Variants in TEC observed in about 807,000 individuals in gnomAD.
TEC encodes the protein tyrosine-protein kinase Tec.
Under a neutral mutation model 93.0 loss-of-function variants are expected in TEC, and 72 were observed. That is an observed-to-expected ratio of 0.77 (90% CI 0.64 to 0.94). TEC has a LOEUF of 0.94. TEC is among the 40% of genes least tolerant of loss of function. TEC has a pLI of 0.00. For missense variants in TEC, 630 were observed against 757.9 expected, an observed-to-expected ratio of 0.83 and a Z score of 1.98; for synonymous variants, 249 against 247.7, an observed-to-expected ratio of 1.01 and a Z score of -0.05.
At chr4:48,153,914 A>G (rs1370218558) in intron 9 of TEC, among the ~76,000 whole-genome samples, 1 of 152,220 alleles carries the variant, frequency 6.6e-6, no homozygotes, top group Non-Finnish European at 1.5e-5. Flanking sequence ...GAAATTTACC[A>G]GGAGGGACAA....
intron 2 of TEC, among the ~76,000 whole-genome samples, chr4:48,198,004 C>T (rs1166406983): frequency 6.6e-6 from 1 of 152,254 alleles, no homozygotes; most frequent in African/African-American, 2.4e-5. Flanking sequence ...CATTTTCTCT[C>T]TCTGCCTGAC....
chr4:48,168,663 A>G, intron 5 of TEC, 37 bp from the exon 6 acceptor site: 1 of 1,590,432 alleles, frequency 6.3e-7, no homozygotes, highest in Non-Finnish European at 8.5e-7. Context: ...TTAAAATGCT[A>G]TCTACCAATA....
chr4:48,256,535 C>CA (rs1724350586), intron 1 of TEC, among the ~76,000 whole-genome samples: 1 of 138,424 alleles, frequency 7.2e-6, no homozygotes, highest in Admixed American at 8.2e-5. Flanking sequence ...CGAGAGGCTG[C>CA]AGTGAGCTGA....
At chr4:48,241,617 A>G (rs1193989487) in intron 1 of TEC, among the ~76,000 whole-genome samples, 1 of 152,204 alleles carries the variant, frequency 6.6e-6, no homozygotes, top group Non-Finnish European at 1.5e-5. Flanking sequence ...GAGCCTTGAC[A>G]TCCCCACTGT....
intron 2 of TEC, among the ~76,000 whole-genome samples, chr4:48,217,469 C>A (rs1723119662): frequency 6.6e-6 from 1 of 152,116 alleles, no homozygotes; most frequent in Non-Finnish European, 1.5e-5. Flanking sequence ...GGGAGGGACA[C>A]CTTCAGCTCC....
At chr4:48,224,028 T>G (rs1723353410) in intron 2 of TEC, among the ~76,000 whole-genome samples, 1 of 152,332 alleles carries the variant, frequency 6.6e-6, no homozygotes, top group East Asian at 1.9e-4. Flanking sequence ...ATGTGTCTTT[T>G]CCCTTTACTG....
intron 1 of TEC, among the ~76,000 whole-genome samples, chr4:48,267,533 A>T (rs1034413095): frequency 6.6e-6 from 1 of 152,266 alleles, no homozygotes; most frequent in Non-Finnish European, 1.5e-5. Flanking sequence ...GCCAGTGACC[A>T]TGAGCCAATT....
At chr4:48,242,392 C>T (rs755398845) in intron 1 of TEC, among the ~76,000 whole-genome samples, 1 of 152,156 alleles carries the variant, frequency 6.6e-6, no homozygotes, top group East Asian at 1.9e-4. Context: ...AAGTATTTAT[C>T]GGATGACAAT....
intron 11 of TEC, among the ~76,000 whole-genome samples, chr4:48,148,249 A>G (rs1720000726): frequency 6.6e-6 from 1 of 152,218 alleles, no homozygotes; most frequent in Admixed American, 6.5e-5. Context: ...TATAGTATGT[A>G]AATTTTATCT....
intron 1 of TEC, among the ~76,000 whole-genome samples, chr4:48,255,206 A>G (rs79533411): frequency 0.014 from 2,168 of 152,280 alleles, 26 homozygotes; most frequent in Non-Finnish European, 0.024. Context: ...GCTGCTTCTC[A>G]CTGCACGGTC....
chr4:48,139,529 C>T (rs1719572819), intron 15 of TEC, among the ~76,000 whole-genome samples: 1 of 152,148 alleles, frequency 6.6e-6, no homozygotes, highest in African/African-American at 2.4e-5. Context: ...AAACACAACA[C>T]AAAATGCCAC....
chr4:48,257,011 G>A (rs1421951505), intron 1 of TEC, among the ~76,000 whole-genome samples: 4 of 152,162 alleles, frequency 2.6e-5, no homozygotes, highest in African/African-American at 4.8e-5. Context: ...AATTTAAAAT[G>A]TAAAACTTAA....
intron 2 of TEC, among the ~76,000 whole-genome samples, chr4:48,205,329 C>T (rs1722667070): frequency 2.0e-5 from 3 of 152,250 alleles, no homozygotes; most frequent in Admixed American, 2.0e-4. Flanking sequence ...CATGACAGCT[C>T]ATGAGAGCCC....
intron 10 of TEC, 63 bp from the exon 11 acceptor site, chr4:48,149,753 GT>G: frequency 2.0e-6 from 3 of 1,517,242 alleles, no homozygotes; most frequent in Non-Finnish European, 8.8e-7. Flanking sequence ...TTCTTAAGAT[GT>G]TTTCTACAAG....
intron 2 of TEC, among the ~76,000 whole-genome samples, chr4:48,195,447 C>A (rs1428711545): frequency 6.6e-6 from 1 of 152,100 alleles, no homozygotes; most frequent in Non-Finnish European, 1.5e-5. Flanking sequence ...TTTTGCTGTC[C>A]TTTGTGGTAA....
chr4:48,267,007 G>A (rs1412576484), intron 1 of TEC, among the ~76,000 whole-genome samples: 3 of 152,192 alleles, frequency 2.0e-5, no homozygotes, highest in East Asian at 1.9e-4. Context: ...CTTCCACAGT[G>A]GGAAGTCAAC....
chr4:48,215,499 C>G (rs923523340), intron 2 of TEC, among the ~76,000 whole-genome samples: 1 of 151,916 alleles, frequency 6.6e-6, no homozygotes, highest in Non-Finnish European at 1.5e-5. Flanking sequence ...AGAGTGAGAC[C>G]CTGTCTCAAA....
chr4:48,158,486 G>A (rs1720489151), intron 8 of TEC, among the ~76,000 whole-genome samples: 3 of 152,100 alleles, frequency 2.0e-5, no homozygotes, highest in Non-Finnish European at 2.9e-5. Flanking sequence ...TGACCCTAAC[G>A]CTTTTCCACT....
intron 2 of TEC, among the ~76,000 whole-genome samples, chr4:48,181,836 GGGGCCCTTTAGGAAT>G (rs1343730551): frequency 6.6e-6 from 1 of 152,080 alleles, no homozygotes; most frequent in Non-Finnish European, 1.5e-5. Flanking sequence ...TTTCCACAGT[GGGGCCCTTTAGGAAT>G]AAAAGCTTTA....
Sources: allele counts gnomAD v4.1 joint callset (sites outside exome capture counted in the v4.1 genomes callset), GRCh38; gene constraint gnomAD v4.1.1; transcripts MANE v1.5; gene names NCBI Gene and HGNC (gene_info 2026-07-23, HGNC 2026-07-21).